The following SEMA6A variants were observed in gnomAD, a reference collection of about 807,000 sequenced individuals.
SEMA6A encodes the protein semaphorin 6A.
In SEMA6A, 25 loss-of-function variants were observed where a neutral mutation model predicts 96.8. The ratio of observed to expected loss-of-function variants is 0.26; its 90% CI spans 0.19 to 0.36. SEMA6A has a LOEUF of 0.36. Among genes scored for constraint, SEMA6A ranks in the 10% least tolerant of loss-of-function variants. The pLI, the probability that SEMA6A is intolerant of heterozygous loss-of-function variation, is 1.00. For synonymous variants in SEMA6A, 612 were observed against 518.0 expected (o/e 1.18, Z -2.46); for missense variants, 1,363 against 1,323.1 (o/e 1.03, Z -0.47).
chr5:116,476,773 G>A (rs1580407797), intron 15 of SEMA6A, among the ~76,000 whole-genome samples: 1 of 152,260 alleles, frequency 6.6e-6, no homozygotes, highest in Admixed American at 6.5e-5. Flanking sequence ...CCACCTTGAG[G>A]GTTCCCATGC....
chr5:116,504,345 TA>T (rs1464428602), intron 2 of SEMA6A, among the ~76,000 whole-genome samples: 1 of 152,210 alleles, frequency 6.6e-6, no homozygotes, highest in East Asian at 1.9e-4. Context: ...AGGAAAGTTA[TA>T]AACAGTTAAA....
chr5:116,495,039 T>C (rs1757519119), intron 6 of SEMA6A, among the ~76,000 whole-genome samples: 1 of 152,176 alleles, frequency 6.6e-6, no homozygotes, highest in African/African-American at 2.4e-5. Context: ...CCTTTTAGAA[T>C]AGAAATCACT....
rs1205605029 is a variant in SEMA6A at position 116,445,972 on chromosome 5, C to G, written c.*641G>C. On this transcript the variant is annotated 3_prime_UTR_variant, in exon 19 of 19. Coordinates refer to ENST00000343348, the MANE Select transcript of SEMA6A (RefSeq NM_020796.5). ...ATTAAAAGAGAGGAGGAGCAGAAAT[C>G]TATGACATAGTTGCCCAACATGGCA... The G allele has an allele frequency of 6.5e-6, 1 of 152,776 alleles. No individual in the cohort carries two copies. The highest frequency in any genetic ancestry group is 2.1e-4 in the South Asian group (1 of 4,826). The allele number at this position is 152,776 out of a possible 1,614,324, so 9.5% of individuals were successfully genotyped here. A position where few individuals can be genotyped will look rare whatever the true frequency, so the allele number is the denominator to read the frequency against.
intron 15 of SEMA6A, 70 bp downstream of exon 15, chr5:116,477,776 C>G (rs1173340471): frequency 7.4e-6 from 11 of 1,484,340 alleles, no homozygotes; most frequent in Non-Finnish European, 1.0e-5. Context: ...GTGAGCAGAG[C>G]AAATCTTACA....
intron 10 of SEMA6A, 91 bp from the exon 11 acceptor site, chr5:116,482,666 C>T: frequency 1.5e-6 from 2 of 1,336,320 alleles, no homozygotes; most frequent in Non-Finnish European, 2.1e-6. Context: ...CCTGGTACAG[C>T]AAATGAAATT....
At chr5:116,556,698 C>T (rs1413945739) in intron 1 of SEMA6A, among the ~76,000 whole-genome samples, 2 of 152,156 alleles carry the variant, frequency 1.3e-5, no homozygotes, top group African/African-American at 4.8e-5. Flanking sequence ...TTCCAAGTGT[C>T]ATTTTGGTGT....
intron 12 of SEMA6A, among the ~76,000 whole-genome samples, chr5:116,479,702 G>A (rs1428034673): frequency 6.6e-6 from 1 of 152,172 alleles, no homozygotes; most frequent in East Asian, 1.9e-4. Context: ...CAGCAAATGT[G>A]GTATCTGTGC....
intron 1 of SEMA6A, among the ~76,000 whole-genome samples, chr5:116,506,186 T>C (rs1313214994): frequency 6.6e-6 from 1 of 152,246 alleles, no homozygotes; most frequent in Non-Finnish European, 1.5e-5. Context: ...TATATACCTA[T>C]GTCTCTTTTC....
intron 1 of SEMA6A, among the ~76,000 whole-genome samples, chr5:116,523,327 T>C (rs1759049890): frequency 6.6e-6 from 1 of 152,128 alleles, no homozygotes; most frequent in Admixed American, 6.5e-5. Context: ...GTTTCTTTTC[T>C]TTTTGAGACA....
chr5:116,544,629 G>C (rs1760110103), intron 1 of SEMA6A, among the ~76,000 whole-genome samples: 1 of 151,988 alleles, frequency 6.6e-6, no homozygotes, highest in African/African-American at 2.4e-5. Context: ...AAAGTTGCAA[G>C]GACAAGAACA....
chr5:116,493,827 C>G (rs1374693985), intron 6 of SEMA6A, among the ~76,000 whole-genome samples: 1 of 152,184 alleles, frequency 6.6e-6, no homozygotes, highest in Non-Finnish European at 1.5e-5. Flanking sequence ...ACATCTGTCT[C>G]TAAACCAAAG....
At chr5:116,482,717 A>G (rs1756848407) in intron 10 of SEMA6A, 142 bp from the exon 11 acceptor site, 1 of 727,184 alleles carries the variant, frequency 1.4e-6, no homozygotes, top group African/African-American at 1.8e-5. Flanking sequence ...AAGGGATCTT[A>G]GTACACAAAG....
At chr5:116,455,027 T>A (rs1238271878) in intron 18 of SEMA6A, among the ~76,000 whole-genome samples, 1 of 152,204 alleles carries the variant, frequency 6.6e-6, no homozygotes. Flanking sequence ...TGACTGTAGA[T>A]GAACCCACTT....
intron 1 of SEMA6A, 82 bp from the exon 2 acceptor site, chr5:116,505,064 C>T (rs116776264): frequency 2.9e-5 from 19 of 644,436 alleles, no homozygotes; most frequent in South Asian, 1.5e-4. Context: ...AAGATAAATT[C>T]GAGAGAAAAA....
At chr5:116,484,739 G>A (rs1354756794) in intron 10 of SEMA6A, among the ~76,000 whole-genome samples, 1 of 152,244 alleles carries the variant, frequency 6.6e-6, no homozygotes, top group African/African-American at 2.4e-5. Flanking sequence ...GAGGTGACTA[G>A]CTGACATTTG....
chr5:116,563,858 G>A (rs1760918065), intron 1 of SEMA6A, among the ~76,000 whole-genome samples: 1 of 152,200 alleles, frequency 6.6e-6, no homozygotes, highest in South Asian at 2.1e-4. Context: ...AATAATCAGG[G>A]GTCCATAATA....
chr5:116,455,332 G>GTGTT (rs1469550059), intron 18 of SEMA6A, among the ~76,000 whole-genome samples: 3 of 152,186 alleles, frequency 2.0e-5, no homozygotes, highest in Admixed American at 6.5e-5. Context: ...GTGGTTTCAT[G>GTGTT]TGTTAGAACT....
In SEMA6A at chr5:116,504,877, T is replaced by C; in HGVS notation, c.68A>G (p.Asp23Gly). ...LHFAGAGFPE[D>G]SEPISISHGN... ...ATGCGAAATACTGATTGGCTCAGAA[T>C]CTTCTGGGAAACCAGCCCCAGCAAA... Residue 23 changes from aspartate (D) to glycine (G), a missense_variant, in exon 2 of 19, where the codon GAT becomes GGT. This residue lies in a region of SEMA6A where 480 missense variants were observed against 559.5 expected (regional missense o/e 0.86). Coordinates refer to ENST00000343348, the MANE Select transcript of SEMA6A (RefSeq NM_020796.5). 6.2e-7 allele frequency: 1 copy of C among 1,603,152 alleles called. No homozygotes were observed. The highest frequency in any genetic ancestry group is 8.5e-7 in the Non-Finnish European group (1 of 1,174,720).
At position 116,478,504 on chromosome 5, in the gene SEMA6A, C is replaced by A. The variant is rs758765431; in HGVS notation, c.1427+38G>T. On this transcript the variant is annotated intron_variant, in intron 13 of 18. Transcript: ENST00000343348. ...AATGAAAGGGGCCATAATAGCATAA[C>A]AAATAATTACTAAGAAAGAACCAAA... 8.8e-5 allele frequency: 136 copies of A among 1,549,252 alleles called. No individual in the cohort carries two copies. In the East Asian group the frequency reaches 3.1e-3, roughly 35 times the overall value.
Sources: gnomAD v4.1 joint callset for allele counts (sites outside exome capture counted in the v4.1 genomes callset) on GRCh38, gnomAD v4.1.1 for gene constraint, gnomAD v4.1.1 regional missense constraint, MANE v1.5 for transcripts, NCBI Gene and HGNC (gene_info 2026-07-23, HGNC 2026-07-21) for gene names.